The following HHIPL2 variants were observed in gnomAD, a reference collection of about 807,000 sequenced individuals.
The protein encoded by HHIPL2 is HHIP like 2.
HHIPL2 carries 61 observed loss-of-function variants against 61.0 expected under a neutral mutation model. That is an observed-to-expected ratio of 1.00 (90% confidence interval 0.81 to 1.24). The LOEUF is 1.24. Among genes scored for constraint, HHIPL2 ranks in the 50% most tolerant of loss-of-function variants. The pLI is 0.00. For synonymous variants in HHIPL2, 343 were observed against 357.4 expected, an observed-to-expected ratio of 0.96 and a Z score of 0.45; for missense variants, 885 against 910.2, an observed-to-expected ratio of 0.97 and a Z score of 0.36.
chr1:222,544,085 A>G lies in HHIPL2; in HGVS notation c.426T>C (p.Ser142=). 1 of 1,614,206 alleles carries G rather than the reference A, an allele frequency of 6.2e-7. No homozygotes were observed. The change falls in exon 2 of 9, where the codon TCT becomes TCC. Residue 142 remains serine, a synonymous_variant. Coordinates refer to ENST00000343410, the MANE Select transcript of HHIPL2 (RefSeq NM_024746.4). ...GCAGGGAAATGGCTGAGTGACAGTT[A>G]GAATGGAAGGCAGAGCAGTAATCAG... is the stretch of plus-strand genomic sequence containing the variant. ...LCSDYCSAFH[S]NCHSAISLLT... is the part of the protein sequence containing the mutation.
chr1:222,522,772 C>A lies in HHIPL2; in HGVS notation c.2004G>T (p.Lys668Asn), dbSNP rs1425549871. 3.7e-6 allele frequency: 6 copies of A among 1,614,046 alleles called. No individual in the cohort carries two copies. The highest frequency in any genetic ancestry group is 5.1e-6 in the Non-Finnish European group (6 of 1,180,042). Residue 668 changes from lysine to asparagine, a missense_variant, in exon 9 of 9, where the codon AAG becomes AAT. By Grantham distance (94) the Lys-to-Asn change is moderately conservative (BLOSUM62 0). Transcript: ENST00000343410. ...TCTTGCTGCTTGTAGGAGAAGCCAG[C>A]TTCTTGGAGGAGCCTTTCTCAGACA... ...QGLSEKGSSK[K>N]LASPTSSKNT...
At chr1:222,536,367 T>C (rs1659303085) in intron 5 of HHIPL2, among the ~76,000 whole-genome samples, 1 of 152,120 alleles carries the variant, frequency 6.6e-6, no homozygotes, top group Non-Finnish European at 1.5e-5. Flanking sequence ...TATGAACAAC[T>C]GAATGCCAAA....
chr1:222,523,872 A>C (rs529336649), intron 7 of HHIPL2, among the ~76,000 whole-genome samples, 178 bp from the exon 8 acceptor site: 1 of 152,330 alleles, frequency 6.6e-6, no homozygotes, highest in African/African-American at 2.4e-5. Context: ...AAAAGGGCAC[A>C]GACAGAACAG....
intron 6 of HHIPL2, among the ~76,000 whole-genome samples, chr1:222,528,820 A>ATT (rs59113896): frequency 0.047 from 6,081 of 128,752 alleles, 484 homozygotes; most frequent in African/African-American, 0.15. Context: ...TAAACAACTA[A>ATT]TTTTTTTTTT....
rs1659484348 is a variant in HHIPL2 at position 222,543,642 on chromosome 1, T to C, written c.869A>G (p.Tyr290Cys). The C allele has an allele frequency of 1.9e-6, 3 of 1,613,976 alleles. No individual in the cohort carries two copies. Among genetic ancestry groups the C allele is most frequent in the Admixed American group, 3.3e-5 (2 of 59,992 alleles). The change falls in exon 2 of 9, where the codon TAT becomes TGT. Residue 290 changes from tyrosine (Y) to cysteine (C), a missense_variant. Coordinates refer to ENST00000343410, the MANE Select transcript of HHIPL2 (RefSeq NM_024746.4). ...CTTGTCCAGGCACGAATAATAAATA[T>C]AGAACTTGCGATTGTGGCGGAATTT... The part of the protein sequence containing the change: ...HPKFRHNRKF[Y>C]IYYSCLDKKK...
rs753998295 is a variant in HHIPL2 at position 222,538,629 on chromosome 1, G to C, written c.1577+19C>G. The C allele has an allele frequency of 2.2e-5, 36 of 1,606,326 alleles. No individual in the cohort carries two copies. The highest frequency in any genetic ancestry group is 2.8e-5 in the Non-Finnish European group (33 of 1,174,474). ...TATTAAAATAAAAAGAGGGAGAAGG[G>C]ACATCAGTCCTTCCTTACCCACTCA... On this transcript the variant is annotated intron_variant, in intron 5 of 8. Coordinates refer to ENST00000343410, the MANE Select transcript of HHIPL2 (RefSeq NM_024746.4).
intron 7 of HHIPL2, among the ~76,000 whole-genome samples, chr1:222,526,354 A>C (rs1659064298): frequency 6.6e-6 from 1 of 151,982 alleles, no homozygotes; most frequent in Non-Finnish European, 1.5e-5. Context: ...TCAGGTGCTC[A>C]GAGGTGTACA....
At chr1:222,530,042 C>T (rs1454897580) in intron 6 of HHIPL2, among the ~76,000 whole-genome samples, 1 of 152,180 alleles carries the variant, frequency 6.6e-6, no homozygotes, top group African/African-American at 2.4e-5. Context: ...TAATTTGCCT[C>T]AAGAACAGCC....
At position 222,531,954 on chromosome 1, in the gene HHIPL2, T is replaced by A. The variant is rs753520116; in HGVS notation, c.1723+12A>T. The A allele has an allele frequency of 1.3e-6, 2 of 1,596,450 alleles. No homozygotes were observed. Among genetic ancestry groups the A allele is most frequent in the Non-Finnish European group, 1.7e-6 (2 of 1,168,496 alleles). On this transcript the variant is annotated intron_variant, in intron 6 of 8. Coordinates refer to ENST00000343410, the MANE Select transcript of HHIPL2 (RefSeq NM_024746.4). ...AGTAAGCAGAAATCAAACAACTCTG[T>A]ACATTTGTTACCTGCTTCATCTTCA... is the stretch of plus-strand genomic sequence containing the variant.
intron 1 of HHIPL2, among the ~76,000 whole-genome samples, chr1:222,544,968 T>C (rs1257775610): frequency 6.6e-6 from 1 of 152,216 alleles, no homozygotes; most frequent in Non-Finnish European, 1.5e-5. Context: ...CACATTTGAA[T>C]TGTGGCTATA....
intron 5 of HHIPL2, among the ~76,000 whole-genome samples, chr1:222,538,197 T>G (rs796359096): frequency 7.0e-4 from 23 of 32,798 alleles, no homozygotes; most frequent in Middle Eastern, 9.8e-3. Flanking sequence ...CTGGCTGGGG[T>G]GTGTGTGTGT....
chr1:222,544,015 T>A lies in HHIPL2; in HGVS notation c.496A>T (p.Thr166Ser). The A allele has an allele frequency of 6.2e-7, 1 of 1,614,002 alleles. No individual in the cohort carries two copies. The highest frequency in any genetic ancestry group is 1.1e-5 in the South Asian group (1 of 91,078). The change falls in exon 2 of 9, where the codon ACC becomes TCC. Residue 166 changes from threonine to serine, a missense_variant. By Grantham distance (58) the Thr-to-Ser change is moderately conservative. Transcript: ENST00000343410. ...GLQESHGRDG[T>S]RFCHLLDLPD... Reference sequence around the variant, plus strand: ...AGGTCCAGGAGGTGGCAGAAGCGGGTACCGTCCCTTCCATGAGACTCCTGG... The same window carrying A: ...AGGTCCAGGAGGTGGCAGAAGCGGGAACCGTCCCTTCCATGAGACTCCTGG...
intron 1 of HHIPL2, 132 bp downstream of exon 1, chr1:222,547,592 C>A: frequency 1.4e-6 from 1 of 734,674 alleles, no homozygotes; most frequent in Non-Finnish European, 2.3e-6. Flanking sequence ...TGTCCAAAGC[C>A]GGCAGCTCCA....
chr1:222,526,903 A>G, intron 7 of HHIPL2, 66 bp downstream of exon 7: 3 of 1,339,442 alleles, frequency 2.2e-6, no homozygotes, highest in Non-Finnish European at 3.2e-6. Context: ...GACTGTTTTT[A>G]TGGCCTGCCA....
At chr1:222,531,679 C>A (rs556611138) in intron 6 of HHIPL2, among the ~76,000 whole-genome samples, 1 of 151,822 alleles carries the variant, frequency 6.6e-6, no homozygotes, top group Non-Finnish European at 1.5e-5. Context: ...ACTCTGGAAG[C>A]GGAGGTTGCA....
Position 222,522,561 on chromosome 1 carries a change from C to G in HHIPL2, c.*40G>C, listed in dbSNP as rs1304848204. ...GACTTTCATTTGATGAGGTGGCTCTCCTCTCTCACGTCACCCTGTCGGCCA... is the reference window on the plus strand; with the variant it reads ...GACTTTCATTTGATGAGGTGGCTCTGCTCTCTCACGTCACCCTGTCGGCCA... On this transcript the variant is annotated 3_prime_UTR_variant, in exon 9 of 9. Transcript: ENST00000343410. 1.9e-6 allele frequency: 3 copies of G among 1,591,396 alleles called. No homozygotes were observed. The African/African-American group carries it at 4.0e-5, about 21-fold the overall frequency.
chr1:222,546,962 C>T (rs1659568515), intron 1 of HHIPL2, among the ~76,000 whole-genome samples: 1 of 152,202 alleles, frequency 6.6e-6, no homozygotes, highest in South Asian at 2.1e-4. Flanking sequence ...TTAGAGGGGT[C>T]CTCCCCAGGC....
At chr1:222,545,929 C>T (rs1659544146) in intron 1 of HHIPL2, among the ~76,000 whole-genome samples, 1 of 151,880 alleles carries the variant, frequency 6.6e-6, no homozygotes, top group Non-Finnish European at 1.5e-5. Context: ...CCTGTAGTCC[C>T]AGGTACTCAG....
rs868771781 is a variant in HHIPL2, at chr1:222,543,746, G to A, written c.765C>T (p.Phe255=). The A allele has an allele frequency of 6.2e-7, 1 of 1,614,196 alleles. No individual in the cohort carries two copies. Among genetic ancestry groups the A allele is most frequent in the Non-Finnish European group, 8.5e-7 (1 of 1,180,028 alleles). The change falls in exon 2 of 9, where the codon TTC becomes TTT. Residue 255 remains phenylalanine (F), a synonymous_variant. Transcript: ENST00000343410. ...TCAACACGATGTTCTTGAGGTCCAG[G>A]AAGGGTTGCTCCAGGCGACTCCCAT... The part of the protein sequence containing the change: ...LPDGSRLEQP[F]LDLKNIVLTT...
Sources: allele counts gnomAD v4.1 joint callset (sites outside exome capture counted in the v4.1 genomes callset), GRCh38; gene constraint gnomAD v4.1.1; transcripts MANE v1.5; gene names NCBI Gene and HGNC (gene_info 2026-07-23, HGNC 2026-07-21).